TSPEAR: variants seen among roughly 807,000 people sequenced by gnomAD.
The protein encoded by TSPEAR is thrombospondin type laminin G domain and EAR repeats.
In TSPEAR, 69 loss-of-function variants were observed where a neutral mutation model predicts 71.6. That is an observed-to-expected ratio of 0.96 (90% CI 0.79 to 1.18). The LOEUF is 1.18. Among genes scored for constraint, TSPEAR ranks in the 50% most tolerant of loss-of-function variants. The pLI, the probability that TSPEAR is intolerant of heterozygous loss-of-function variation, is 0.00. For missense variants in TSPEAR, 971 were observed against 894.9 expected (o/e 1.09, Z -1.09); for synonymous variants, 402 against 387.2 (o/e 1.04, Z -0.45).
chr21:44,574,945 C>G lies in TSPEAR; in HGVS notation c.83-6940G>C, dbSNP rs1555923674. 6 of 1,605,686 alleles carry G rather than the reference C, an allele frequency of 3.7e-6. No individual in the cohort carries two copies. In the South Asian group the frequency reaches 6.7e-5, roughly 18 times the overall value. On this transcript the variant is annotated intron_variant, in intron 1 of 11. Transcript: ENST00000323084. ...CAACCCAGCTGCTGCCGCCCAGCCT[C>G]CTGCGTGTCCCTCCTCTGACGCCCC... is the stretch of plus-strand genomic sequence containing the variant.
intron 1 of TSPEAR, chr21:44,654,523 T>C (rs1555942179): frequency 6.8e-6 from 11 of 1,612,998 alleles, no homozygotes; most frequent in Non-Finnish European, 9.3e-6. Context: ...GGAGGTCCCA[T>C]AGCCCTCGGG....
chr21:44,702,740 G>A lies in TSPEAR; in HGVS notation c.82+8693C>T, dbSNP rs116719576. 1.4e-3 allele frequency: 2,039 copies of A among 1,423,258 alleles called. 32 individuals are homozygous for A. In the African/African-American group the frequency reaches 0.023, roughly 16 times the overall value. The allele number at this position is 1,423,258 out of a possible 1,614,324, so 88.2% of individuals were successfully genotyped here. A position where few individuals can be genotyped will look rare whatever the true frequency, so the allele number is the denominator to read the frequency against. On this transcript the variant is annotated intron_variant, in intron 1 of 11. Coordinates refer to ENST00000323084, the MANE Select transcript of TSPEAR (RefSeq NM_144991.3). Reference sequence around the variant, plus strand: ...GCCTCCTGCGTGTCCCTCCTCTGCCGCCGTGTGTGCTCCCACCTGGCCTGC... The same window carrying A: ...GCCTCCTGCGTGTCCCTCCTCTGCCACCGTGTGTGCTCCCACCTGGCCTGC...
intron 1 of TSPEAR, among the ~76,000 whole-genome samples, chr21:44,619,539 C>T (rs1223664021): frequency 7.2e-5 from 11 of 152,218 alleles, no homozygotes; most frequent in African/African-American, 2.7e-4. Context: ...ACTTATTAGA[C>T]AAAGCCTTTC....
intron 9 of TSPEAR, among the ~76,000 whole-genome samples, chr21:44,512,906 TG>T (rs1242796148): frequency 1.6e-4 from 25 of 152,204 alleles, no homozygotes; most frequent in Non-Finnish European, 3.1e-4. Flanking sequence ...CAGACAGGCC[TG>T]GGGGGCCGGG....
intron 1 of TSPEAR, among the ~76,000 whole-genome samples, chr21:44,648,872 G>T (rs73909214): frequency 2.6e-5 from 4 of 152,232 alleles, no homozygotes; most frequent in Admixed American, 2.0e-4. Flanking sequence ...AAGCCCACGC[G>T]GTCAAGCTGC....
intron 1 of TSPEAR, among the ~76,000 whole-genome samples, chr21:44,679,120 C>G (rs1352293481): frequency 2.6e-5 from 4 of 152,116 alleles, no homozygotes; most frequent in African/African-American, 9.7e-5. Context: ...GCACAGGGAT[C>G]CACCAGCTTA....
At chr21:44,683,690 TA>T (rs11314808) in intron 1 of TSPEAR, among the ~76,000 whole-genome samples, 97,216 of 151,474 alleles carry the variant, frequency 0.64, 31,321 homozygotes, top group South Asian at 0.72. Context: ...CATCAGATAT[TA>T]AAAGATATAG....
chr21:44,602,396 G>A (rs1981005976), intron 1 of TSPEAR, among the ~76,000 whole-genome samples: 1 of 152,230 alleles, frequency 6.6e-6, no homozygotes, highest in Non-Finnish European at 1.5e-5. Flanking sequence ...GGGTGGGGCT[G>A]CTTTGGGGCC....
At position 44,522,058 on chromosome 21, in the gene TSPEAR, A is replaced by G; in HGVS notation, c.1391T>C (p.Leu464Pro). Reference protein sequence around the residue: ...VIYKWNPATRLFEANQTIATS... With the variant: ...VIYKWNPATRPFEANQTIATS... The stretch of plus-strand genomic sequence containing the variant: ...GGCGATGGTCTGGTTGGCCTCGAAG[A>G]GCCGGGTTGCCGGGTTCCACTTGTA... Residue 464 changes from leucine to proline, a missense_variant, in exon 9 of 12, where the codon CTC (leucine) becomes CCC (proline). Transcript: ENST00000323084. The G allele has an allele frequency of 6.2e-7, 1 of 1,613,922 alleles. No homozygotes were observed. The highest frequency in any genetic ancestry group is 1.1e-5 in the South Asian group (1 of 91,066).
At chr21:44,509,076 C>T in intron 10 of TSPEAR, 123 bp downstream of exon 10, 1 of 1,384,564 alleles carries the variant, frequency 7.2e-7, no homozygotes, top group Non-Finnish European at 9.9e-7. Context: ...ATTCTTTCCA[C>T]AGGAAGGTCC....
At chr21:44,518,991 C>T (rs146368710) in intron 9 of TSPEAR, 7 of 188,344 alleles carry the variant, frequency 3.7e-5, no homozygotes, top group Non-Finnish European at 5.6e-5. Flanking sequence ...CCCCAAGCCA[C>T]CCTTTCGTTG....
intron 2 of TSPEAR, among the ~76,000 whole-genome samples, chr21:44,538,422 GCCCC>G (rs57097547): frequency 3.5e-5 from 4 of 113,698 alleles, no homozygotes; most frequent in Non-Finnish European, 7.2e-5. Context: ...GGAAACTGCT[GCCCC>G]CCCCCCCCCC....
chr21:44,533,796 C>G lies in TSPEAR; in HGVS notation c.431G>C (p.Arg144Pro). 6.2e-7 allele frequency: 1 copy of G among 1,612,456 alleles called. No homozygotes were observed. Among genetic ancestry groups the G allele is most frequent in the Non-Finnish European group, 8.5e-7 (1 of 1,179,882 alleles). ...CAGGGCCGGGCTGCGGAAGGACACT[C>G]GGGTCTGCCAGGCGCCGGCCGTGTC... ...REDTAGAWQT[R>P]VSFRSPALVD... The change falls in exon 3 of 12, where the codon CGA becomes CCA. Residue 144 changes from arginine to proline, a missense_variant. Transcript: ENST00000323084.
chr21:44,559,992 A>G (rs1239771871), intron 2 of TSPEAR, among the ~76,000 whole-genome samples: 5 of 152,166 alleles, frequency 3.3e-5, no homozygotes, highest in Non-Finnish European at 5.9e-5. Flanking sequence ...GTCAGACTAC[A>G]GTGGAAAAAT....
chr21:44,702,572 C>A, intron 1 of TSPEAR: 1 of 1,608,872 alleles, frequency 6.2e-7, no homozygotes, highest in Non-Finnish European at 8.5e-7. Flanking sequence ...AGCTGCCAGC[C>A]GGCTTGCTGC....
intron 1 of TSPEAR, chr21:44,702,134 G>A (rs989586442): frequency 9.9e-6 from 12 of 1,207,966 alleles, no homozygotes; most frequent in Admixed American, 2.3e-5. Context: ...GTCCACATGA[G>A]CACAGGGGTG....
intron 1 of TSPEAR, chr21:44,628,249 C>T (rs1218931498): frequency 1.7e-6 from 1 of 573,762 alleles, no homozygotes; most frequent in East Asian, 2.9e-5. Context: ...CTTCTCCTCA[C>T]GGTGCTTCCT....
rs1555931028 is a variant in TSPEAR at position 44,612,072 on chromosome 21, C to A, written c.83-44067G>T. 6.2e-6 allele frequency: 10 copies of A among 1,600,564 alleles called. No individual in the cohort carries two copies. The highest frequency in any genetic ancestry group is 6.8e-6 in the Non-Finnish European group (8 of 1,171,296). On this transcript the variant is annotated intron_variant, in intron 1 of 11. Transcript: ENST00000323084. This position sits in a 1 kb window ranked among gnomAD's most constrained non-coding sequence, Gnocchi z 4.1. Reference sequence around the variant, plus strand: ...CACAAACCCACACACCTCACACCAGCACTCACACCACCCAGTCCAGCACCC... The same window carrying A: ...CACAAACCCACACACCTCACACCAGAACTCACACCACCCAGTCCAGCACCC...
rs139816004 is a variant in TSPEAR at position 44,682,018 on chromosome 21, C to T, written c.82+29415G>A. The T allele has an allele frequency of 1.4e-3, 2,243 of 1,609,280 alleles. 4 individuals carry two copies. The highest frequency in any genetic ancestry group is 1.8e-3 in the Non-Finnish European group (2,074 of 1,176,116). The stretch of plus-strand genomic sequence containing the variant: ...ACGGCTGGCTTGAAGCTCACGGGCA[C>T]GCACACGGAGGACTGGCAGCCCACG... On this transcript the variant is annotated intron_variant, in intron 1 of 11. Transcript: ENST00000323084.
Sources: allele counts gnomAD v4.1 joint callset (sites outside exome capture counted in the v4.1 genomes callset), GRCh38; gene constraint gnomAD v4.1.1; non-coding constraint Gnocchi (gnomAD v3.1); transcripts MANE v1.5; gene names NCBI Gene and HGNC (gene_info 2026-07-23, HGNC 2026-07-21).